Variants in FCF1 observed in about 807,000 individuals in gnomAD.
FCF1 encodes rRNA-processing protein FCF1 homolog.
A neutral mutation model predicts 32.5 loss-of-function variants in FCF1; 17 were observed. The ratio of observed to expected loss-of-function variants is 0.52; its 90% CI spans 0.36 to 0.78. The LOEUF (loss-of-function observed/expected upper bound fraction) is 0.78. FCF1 is among the 30% of genes least tolerant of loss of function. The pLI is 0.00. For synonymous variants in FCF1, 84 were observed against 78.4 expected (o/e 1.07, Z -0.38); for missense variants, 201 against 241.1 (o/e 0.83, Z 1.10).
chr14:74,715,657 G>A (rs974312164), intron 3 of FCF1: 4 of 460,240 alleles, frequency 8.7e-6, no homozygotes, highest in Middle Eastern at 6.5e-4. Flanking sequence ...ACCTCCCTGT[G>A]CCCATGGTGA....
intron 4 of FCF1, among the ~76,000 whole-genome samples, chr14:74,722,667 G>A (rs2090521204): frequency 6.6e-6 from 1 of 152,024 alleles, no homozygotes; most frequent in Non-Finnish European, 1.5e-5. Context: ...AGGCACAGTG[G>A]CTCACACCTG....
chr14:74,735,515 A>T lies in FCF1; in HGVS notation c.*585A>T, dbSNP rs1379242596. ...TTCCAATGCAATAGCATGAATTATT[A>T]TTCTGTTGACCTATTTGCCTTACTA... On this transcript the variant is annotated 3_prime_UTR_variant, in exon 8 of 8. Transcript: ENST00000341162. 2 of 151,778 alleles carry T rather than the reference A, an allele frequency of 1.3e-5. No individual in the cohort carries two copies. The highest frequency in any genetic ancestry group is 2.9e-5 in the Non-Finnish European group (2 of 68,242). 9.4% of individuals were successfully genotyped at this position (151,778 alleles called of 1,614,324 possible).
chr14:74,731,923 A>G (rs1451333045), intron 5 of FCF1, among the ~76,000 whole-genome samples: 2 of 152,154 alleles, frequency 1.3e-5, no homozygotes, highest in Admixed American at 1.3e-4. Flanking sequence ...TTCTTTTTCA[A>G]ATATGTATGA....
chr14:74,717,828 T>C (rs943528465), intron 4 of FCF1, among the ~76,000 whole-genome samples: 2 of 152,208 alleles, frequency 1.3e-5, no homozygotes, highest in African/African-American at 4.8e-5. Context: ...ATAGTGACTG[T>C]TAGAGCTTTA....
At chr14:74,717,936 G>A (rs542629097) in intron 4 of FCF1, among the ~76,000 whole-genome samples, 15 of 152,192 alleles carry the variant, frequency 9.9e-5, no homozygotes, top group South Asian at 2.1e-4. Flanking sequence ...GTGCGTTGGC[G>A]TGATCTCAGC....
At chr14:74,729,538 CG>C (rs1302999659) in intron 5 of FCF1, among the ~76,000 whole-genome samples, 3 of 151,824 alleles carry the variant, frequency 2.0e-5, no homozygotes, top group Non-Finnish European at 4.4e-5. Context: ...TTTTGTTGAT[CG>C]TTTCAAAAAA....
At chr14:74,731,201 A>G (rs1212724014) in intron 5 of FCF1, among the ~76,000 whole-genome samples, 1 of 152,154 alleles carries the variant, frequency 6.6e-6, no homozygotes, top group African/African-American at 2.4e-5. Flanking sequence ...AAGTGGAAAC[A>G]CTAAGTTTGG....
chr14:74,725,446 C>G (rs1566718916), intron 5 of FCF1, among the ~76,000 whole-genome samples: 1 of 125,188 alleles, frequency 8.0e-6, no homozygotes, highest in South Asian at 2.7e-4. Flanking sequence ...TGCCACTGTA[C>G]TCCAGCCTGG....
chr14:74,716,976 G>A (rs931423421), intron 4 of FCF1, among the ~76,000 whole-genome samples: 1 of 151,884 alleles, frequency 6.6e-6, no homozygotes, highest in African/African-American at 2.4e-5. Flanking sequence ...GAGAAGATGG[G>A]GTTAAGGAAT....
chr14:74,725,069 TAAAA>T (rs34861456), intron 5 of FCF1, among the ~76,000 whole-genome samples: 2 of 146,774 alleles, frequency 1.4e-5, no homozygotes, highest in African/African-American at 5.0e-5. Flanking sequence ...TGGGTTCTGG[TAAAA>T]AAAAAAAGAA....
chr14:74,718,729 C>G (rs1418199147), intron 4 of FCF1, among the ~76,000 whole-genome samples: 1 of 151,962 alleles, frequency 6.6e-6, no homozygotes, highest in Non-Finnish European at 1.5e-5. Context: ...ACTTTGGCCT[C>G]CCAAAGTGCT....
At chr14:74,719,129 C>CAAA (rs1167421434) in intron 4 of FCF1, among the ~76,000 whole-genome samples, 32 of 34,226 alleles carry the variant, frequency 9.3e-4, no homozygotes, top group African/African-American at 1.4e-3. Context: ...GACTCTGTCT[C>CAAA]AAAAAAAAAA....
At chr14:74,716,236 G>A (rs1476378102) in intron 4 of FCF1, 137 bp downstream of exon 4, 4 of 724,140 alleles carry the variant, frequency 5.5e-6, no homozygotes, top group Admixed American at 2.8e-5. Context: ...CCATAGCAGT[G>A]ACCATGTTTA....
intron 2 of FCF1, 93 bp from the exon 3 acceptor site, chr14:74,714,779 A>G: frequency 9.7e-6 from 1 of 103,134 alleles, no homozygotes; most frequent in Non-Finnish European, 1.4e-5. Flanking sequence ...TCAGTAGACC[A>G]AAAAAAAAAA....
At chr14:74,724,586 C>T (rs1292970467) in intron 5 of FCF1, among the ~76,000 whole-genome samples, 1 of 152,172 alleles carries the variant, frequency 6.6e-6, no homozygotes, top group African/African-American at 2.4e-5. Context: ...ACACCCAACC[C>T]CCGAGTATAT....
At chr14:74,719,172 C>T (rs1315575277) in intron 4 of FCF1, among the ~76,000 whole-genome samples, 1 of 148,302 alleles carries the variant, frequency 6.7e-6, no homozygotes, top group African/African-American at 2.5e-5. Flanking sequence ...GTGGCATGCA[C>T]CTGTGGTCCT....
rs1203399046 is a variant in FCF1, at chr14:74,737,405, T to C, written c.*2475T>C. The C allele has an allele frequency of 6.6e-6, 1 of 152,150 alleles. No individual in the cohort carries two copies. The highest frequency in any genetic ancestry group is 2.4e-5 in the African/African-American group (1 of 41,436). The allele number at this position is 152,150 out of a possible 1,614,324, so 9.4% of individuals were successfully genotyped here. On this transcript the variant is annotated 3_prime_UTR_variant, in exon 8 of 8. Transcript: ENST00000341162. ...GTATTTGTGGGGATTTGGTATATTA[T>C]TAAGGTGGTATTTCGTTTCTGTGGG...
intron 1 of FCF1, 23 bp downstream of exon 1, chr14:74,713,223 G>A: frequency 6.2e-7 from 1 of 1,614,214 alleles, no homozygotes; most frequent in East Asian, 2.2e-5. Flanking sequence ...GGTCCAAGAA[G>A]GGACGTTATC....
intron 5 of FCF1, among the ~76,000 whole-genome samples, chr14:74,726,941 A>G (rs2090584893): frequency 6.6e-6 from 1 of 151,952 alleles, no homozygotes; most frequent in Non-Finnish European, 1.5e-5. Context: ...TGAACTCATC[A>G]TTTTTTATGG....
Sources: allele counts gnomAD v4.1 joint callset (sites outside exome capture counted in the v4.1 genomes callset), GRCh38; gene constraint gnomAD v4.1.1; transcripts MANE v1.5; gene names NCBI Gene and HGNC (gene_info 2026-07-23, HGNC 2026-07-21).